Variants in CYTH1 observed in about 807,000 individuals in gnomAD.
CYTH1 encodes cytohesin-1.
A neutral mutation model predicts 61.8 loss-of-function variants in CYTH1; 18 were observed. The ratio of observed to expected loss-of-function variants is 0.29; its 90% CI spans 0.20 to 0.43. The LOEUF is 0.43. Among genes scored for constraint, CYTH1 ranks in the 20% least tolerant of loss-of-function variants. CYTH1 has a pLI of 1.00. For missense variants in CYTH1, 336 were observed against 510.5 expected (o/e 0.66, Z 3.29); for synonymous variants, 174 against 184.3 (o/e 0.94, Z 0.45).
intron 11 of CYTH1, among the ~76,000 whole-genome samples, chr17:78,690,539 AAAC>A (rs1362005161): frequency 6.6e-6 from 1 of 151,552 alleles, no homozygotes; most frequent in Non-Finnish European, 1.5e-5. Flanking sequence ...ACAGAAAACA[AAAC>A]AAAAAAAAAC....
chr17:78,676,928 G>A, intron 13 of CYTH1: 4 of 446,158 alleles, frequency 9.0e-6, no homozygotes, highest in Non-Finnish European at 1.3e-5. Flanking sequence ...CAGGGAAGCT[G>A]TATCCTAAGT....
At chr17:78,681,808 A>G (rs1451230876) in intron 11 of CYTH1, among the ~76,000 whole-genome samples, 1 of 149,260 alleles carries the variant, frequency 6.7e-6, no homozygotes, top group Non-Finnish European at 1.5e-5. Flanking sequence ...ACTGCACTCC[A>G]GCCTGGGTGA....
At chr17:78,755,257 C>A (rs2093395982) in intron 1 of CYTH1, among the ~76,000 whole-genome samples, 5 of 152,138 alleles carry the variant, frequency 3.3e-5, no homozygotes. Flanking sequence ...CTCACTGCAG[C>A]CTCCGCCTCC....
intron 1 of CYTH1, among the ~76,000 whole-genome samples, chr17:78,741,397 A>G (rs79698498): frequency 1.3e-5 from 2 of 150,122 alleles, no homozygotes; most frequent in South Asian, 2.1e-4. Flanking sequence ...ATGACAGTAG[A>G]AAAAAAAACG....
intron 11 of CYTH1, 30 bp downstream of exon 11, chr17:78,692,387 T>A (rs1345411649): frequency 1.9e-6 from 3 of 1,612,712 alleles, no homozygotes; most frequent in Non-Finnish European, 2.5e-6. Context: ...TGCCCATCCC[T>A]AGTCTGGAGG....
chr17:78,708,944 G>C lies in CYTH1; in HGVS notation c.106-683C>G, dbSNP rs377468348. The C allele has an allele frequency of 1.3e-4, 20 of 152,306 alleles. No individual in the cohort carries two copies. In the East Asian group the frequency reaches 2.9e-3, roughly 22 times the overall value. The allele number at this position is 152,306 out of a possible 1,614,324, so 9.4% of individuals were successfully genotyped here. A position where few individuals can be genotyped will look rare whatever the true frequency, so the allele number is the denominator to read the frequency against. ...AGTCTTTCCTCATTTTGCTACTTTGGGCAACAGGATTCCCTCCTTAACCCC... is the reference window on the plus strand; with the variant it reads ...AGTCTTTCCTCATTTTGCTACTTTGCGCAACAGGATTCCCTCCTTAACCCC... On this transcript the variant is annotated intron_variant, in intron 2 of 13. Transcript: ENST00000446868.
chr17:78,773,906 T>C (rs1223102686), intron 1 of CYTH1, among the ~76,000 whole-genome samples: 1 of 151,730 alleles, frequency 6.6e-6, no homozygotes, highest in African/African-American at 2.4e-5. Flanking sequence ...AGAGTTAACC[T>C]AAGTTAAGTA....
chr17:78,698,457 C>T (rs2092970309), intron 8 of CYTH1, 77 bp from the exon 9 acceptor site: 2 of 1,184,854 alleles, frequency 1.7e-6, no homozygotes, highest in Admixed American at 3.6e-5. Flanking sequence ...TCATTCATTC[C>T]ACAAGCATTC....
intron 1 of CYTH1, among the ~76,000 whole-genome samples, chr17:78,758,898 C>T (rs745802812): frequency 2.0e-5 from 3 of 152,010 alleles, no homozygotes; most frequent in Non-Finnish European, 2.9e-5. Context: ...ATTTGCTGTG[C>T]GATGTGTACT....
At position 78,719,650 on chromosome 17, in the gene CYTH1, G is replaced by A. The variant is rs79225440; in HGVS notation, c.23-9918C>T. ...GTGTATCTTTCAGGTAAAATGTAAC[G>A]GAAGAGAGATGTAAAGCAAACAGTT... On this transcript the variant is annotated intron_variant, in intron 1 of 13. Transcript: ENST00000446868. 2.7e-4 allele frequency among the ~76,000 whole-genome samples: 41 copies of A among 152,266 alleles called. 2 individuals carry two copies. In the East Asian group the frequency reaches 7.0e-3, roughly 26 times the overall value.
Position 78,754,129 on chromosome 17 carries a change from G to A in CYTH1, c.22+28073C>T, listed in dbSNP as rs530755548. Among the ~76,000 whole-genome samples, 88 of 152,164 alleles carry A rather than the reference G, an allele frequency of 5.8e-4. 1 individual carries two copies. The highest frequency in any genetic ancestry group is 1.4e-3 in the Admixed American group (22 of 15,280). On this transcript the variant is annotated intron_variant, in intron 1 of 13. Coordinates refer to ENST00000446868, the MANE Select transcript of CYTH1 (RefSeq NM_004762.6). ...CAGGACCGTCGTGGACAAAGCGACC[G>A]GCTACTGAGAAGCAGCGCATCTAGA...
intron 1 of CYTH1, among the ~76,000 whole-genome samples, chr17:78,774,012 A>G (rs538655026): frequency 6.6e-6 from 1 of 152,242 alleles, no homozygotes; most frequent in Non-Finnish European, 1.5e-5. Context: ...AGTAGATTTA[A>G]TAAGTCACCA....
chr17:78,739,633 T>C (rs1362392571), intron 1 of CYTH1, among the ~76,000 whole-genome samples: 1 of 152,198 alleles, frequency 6.6e-6, no homozygotes, highest in Non-Finnish European at 1.5e-5. Flanking sequence ...GCATAGCTGC[T>C]GCCAGGGTTC....
chr17:78,674,073 T>A lies in CYTH1; in HGVS notation c.*2018A>T, dbSNP rs1309762525. On this transcript the variant is annotated 3_prime_UTR_variant, in exon 14 of 14. Coordinates refer to ENST00000446868, the MANE Select transcript of CYTH1 (RefSeq NM_004762.6). ...TGGCTTGGGCAGAGTTGGAGTTTAT[T>A]TGCTGCAGTTCCTTGGCGCTAGTTT... 2.6e-4 allele frequency: 39 copies of A among 152,594 alleles called. No individual in the cohort carries two copies. The highest frequency in any genetic ancestry group is 7.4e-5 in the Non-Finnish European group (5 of 68,020). The allele number at this position is 152,594 out of a possible 1,614,324, so 9.5% of individuals were successfully genotyped here.
intron 1 of CYTH1, among the ~76,000 whole-genome samples, chr17:78,750,212 T>G (rs1410239711): frequency 6.6e-6 from 1 of 152,196 alleles, no homozygotes; most frequent in Non-Finnish European, 1.5e-5. Context: ...GGAAGTAGAA[T>G]AAACCATACT....
chr17:78,745,096 G>A (rs931820877), intron 1 of CYTH1, among the ~76,000 whole-genome samples: 21 of 152,224 alleles, frequency 1.4e-4, no homozygotes, highest in African/African-American at 5.1e-4. Flanking sequence ...TTCTGAGAAG[G>A]GGGTCAAGAG....
intron 1 of CYTH1, among the ~76,000 whole-genome samples, chr17:78,719,618 A>C (rs1325934172): frequency 6.6e-6 from 1 of 152,254 alleles, no homozygotes; most frequent in Non-Finnish European, 1.5e-5. Context: ...AATGCAACCA[A>C]AATCCAGTGT....
At chr17:78,720,508 G>A (rs1407453598) in intron 1 of CYTH1, among the ~76,000 whole-genome samples, 2 of 152,166 alleles carry the variant, frequency 1.3e-5, no homozygotes, top group Non-Finnish European at 2.9e-5. Context: ...TAGTAGAGAC[G>A]GGGTTTCACC....
At chr17:78,691,857 A>G (rs1330763295) in intron 11 of CYTH1, 2 of 152,748 alleles carry the variant, frequency 1.3e-5, no homozygotes, top group Non-Finnish European at 1.5e-5. Flanking sequence ...ACAAATTTGC[A>G]GCTATAAGTC....
Sources: allele counts gnomAD v4.1 joint callset (sites outside exome capture counted in the v4.1 genomes callset), GRCh38; gene constraint gnomAD v4.1.1; transcripts MANE v1.5; gene names NCBI Gene and HGNC (gene_info 2026-07-23, HGNC 2026-07-21).